The following EML6 variants were observed in gnomAD, a reference collection of about 807,000 sequenced individuals.
EML6 encodes the protein echinoderm microtubule-associated protein-like 6.
In EML6, 154 loss-of-function variants were observed where a neutral mutation model predicts 240.1. That is an observed-to-expected ratio of 0.64 (90% CI 0.56 to 0.73). EML6 has a LOEUF of 0.73. Among genes scored for constraint, EML6 ranks in the 30% least tolerant of loss-of-function variants. The pLI is 0.00. For missense variants in EML6, 2,964 were observed against 2,474.6 expected (o/e 1.20, Z -4.20); for synonymous variants, 1,148 against 899.0 (o/e 1.28, Z -4.95).
chr2:54,948,435 G>A lies in EML6; in HGVS notation c.4005-447G>A, dbSNP rs1426398144. ...GCCTGGCTTGTAAGTGCCACTTCAC[G>A]CCACACCATGGCCATCGACAACTTA... On this transcript the variant is annotated intron_variant, in intron 28 of 41. Coordinates refer to ENST00000356458, the MANE Select transcript of EML6 (RefSeq NM_001039753.4). Among the ~76,000 whole-genome samples, 11 of 152,202 alleles carry A rather than the reference G, an allele frequency of 7.2e-5. No individual in the cohort carries two copies. The South Asian group carries it at 2.3e-3, about 32-fold the overall frequency.
chr2:54,751,557 G>A (rs1047214921), intron 2 of EML6, among the ~76,000 whole-genome samples: 1 of 152,160 alleles, frequency 6.6e-6, no homozygotes, highest in Admixed American at 6.5e-5. Flanking sequence ...AAGGACAAAT[G>A]CTCCGCAGCA....
intron 30 of EML6, among the ~76,000 whole-genome samples, chr2:54,951,208 TATA>T (rs1327524059): frequency 4.6e-5 from 7 of 152,154 alleles, no homozygotes; most frequent in Non-Finnish European, 7.4e-5. Context: ...TAGCCACATT[TATA>T]ATGAGAATGA....
intron 39 of EML6, 119 bp from the exon 40 acceptor site, chr2:54,968,009 G>C (rs762482802): frequency 9.9e-7 from 1 of 1,012,938 alleles, no homozygotes; most frequent in South Asian, 1.5e-5. Flanking sequence ...TGGCCTGGCT[G>C]TTGGGGACCC....
chr2:54,865,419 A>T (rs1168462807), intron 13 of EML6, among the ~76,000 whole-genome samples: 5 of 152,160 alleles, frequency 3.3e-5, no homozygotes, highest in African/African-American at 1.2e-4. Context: ...TGAGGGCTAC[A>T]AGCCACTGTA....
chr2:54,843,038 A>G (rs1475212135), intron 7 of EML6, among the ~76,000 whole-genome samples: 1 of 152,194 alleles, frequency 6.6e-6, no homozygotes, highest in Non-Finnish European at 1.5e-5. Context: ...GTTTAATATG[A>G]TCATCAGCTG....
intron 2 of EML6, among the ~76,000 whole-genome samples, chr2:54,779,525 G>A (rs1283264168): frequency 7.5e-5 from 10 of 133,202 alleles, no homozygotes; most frequent in Non-Finnish European, 1.1e-4. Flanking sequence ...CAGCCTGGGC[G>A]ACAAAAGTGA....
At chr2:54,735,758 G>A (rs764361832) in intron 2 of EML6, among the ~76,000 whole-genome samples, 2 of 152,208 alleles carry the variant, frequency 1.3e-5, no homozygotes, top group Non-Finnish European at 2.9e-5. Flanking sequence ...AAGAAATGTG[G>A]TCTTTTAAGC....
chr2:54,964,312 C>T (rs1676655045), intron 37 of EML6, among the ~76,000 whole-genome samples, 154 bp downstream of exon 37: 2 of 152,246 alleles, frequency 1.3e-5, no homozygotes, highest in African/African-American at 2.4e-5. Flanking sequence ...CCCACTCTCA[C>T]TCTTAGACAA....
At chr2:54,772,414 T>C (rs145306098) in intron 2 of EML6, among the ~76,000 whole-genome samples, 3 of 152,114 alleles carry the variant, frequency 2.0e-5, no homozygotes, top group Admixed American at 6.5e-5. Flanking sequence ...AGGAAGAAAA[T>C]AGTCATATGG....
At chr2:54,913,067 TTC>T (rs1192235885) in intron 25 of EML6, among the ~76,000 whole-genome samples, 1 of 131,428 alleles carries the variant, frequency 7.6e-6, no homozygotes, top group Non-Finnish European at 1.7e-5. Flanking sequence ...CCTTGCCAGA[TTC>T]TGTTTTTTTT....
intron 2 of EML6, among the ~76,000 whole-genome samples, chr2:54,763,386 C>G (rs1295048676): frequency 6.6e-6 from 1 of 152,154 alleles, no homozygotes; most frequent in Non-Finnish European, 1.5e-5. Context: ...TTAGGCTTCT[C>G]CCTCTATTCT....
At chr2:54,815,485 C>A (rs1393843583) in intron 3 of EML6, among the ~76,000 whole-genome samples, 2 of 152,190 alleles carry the variant, frequency 1.3e-5, no homozygotes, top group African/African-American at 4.8e-5. Context: ...AAATAGGTTT[C>A]TTTCAGCTTT....
chr2:54,942,325 A>G (rs2104450886), intron 28 of EML6, among the ~76,000 whole-genome samples: 1 of 152,348 alleles, frequency 6.6e-6, no homozygotes, highest in Non-Finnish European at 1.5e-5. Context: ...ATAAAAGAAC[A>G]CTTCAAAAAT....
intron 8 of EML6, 126 bp from the exon 9 acceptor site, chr2:54,847,360 C>A: frequency 1.1e-6 from 1 of 936,226 alleles, no homozygotes; most frequent in Non-Finnish European, 1.6e-6. Flanking sequence ...ATAAAGGGCT[C>A]TGGTGTGAAG....
intron 22 of EML6, among the ~76,000 whole-genome samples, 185 bp from the exon 23 acceptor site, chr2:54,902,859 G>A (rs1291625396): frequency 2.7e-4 from 41 of 152,226 alleles, no homozygotes; most frequent in Admixed American, 2.7e-3. Context: ...ACAGGCATGA[G>A]CTGCTGCGCC....
intron 2 of EML6, among the ~76,000 whole-genome samples, chr2:54,807,003 C>T (rs1670529970): frequency 6.6e-6 from 1 of 152,178 alleles, no homozygotes; most frequent in Non-Finnish European, 1.5e-5. Flanking sequence ...TAAACTTATA[C>T]ACTTTACTGA....
intron 21 of EML6, among the ~76,000 whole-genome samples, chr2:54,896,653 C>G (rs566647298): frequency 6.6e-6 from 1 of 152,246 alleles, no homozygotes; most frequent in African/African-American, 2.4e-5. Context: ...TCAGAACTTC[C>G]AAGATTCCAG....
At chr2:54,757,902 A>G (rs954497309) in intron 2 of EML6, among the ~76,000 whole-genome samples, 2 of 144,594 alleles carry the variant, frequency 1.4e-5, no homozygotes, top group Non-Finnish European at 3.0e-5. Flanking sequence ...TTTTTTCTTC[A>G]AGGTTTCTTT....
intron 11 of EML6, among the ~76,000 whole-genome samples, chr2:54,858,512 G>A (rs57401377): frequency 0.17 from 26,216 of 152,104 alleles, 3,923 homozygotes; most frequent in African/African-American, 0.4. Flanking sequence ...AGCATTTCCA[G>A]CTGACCTTAG....
Sources: allele counts gnomAD v4.1 joint callset (sites outside exome capture counted in the v4.1 genomes callset), GRCh38; gene constraint gnomAD v4.1.1; transcripts MANE v1.5; gene names NCBI Gene and HGNC (gene_info 2026-07-23, HGNC 2026-07-21).